STT3B: variants seen among roughly 807,000 people sequenced by gnomAD.
STT3B encodes the protein dolichyl-diphosphooligosaccharide--protein glycosyltransferase subunit STT3B.
A neutral mutation model predicts 96.8 loss-of-function variants in STT3B; 29 were observed. The ratio of observed to expected loss-of-function variants is 0.30; its 90% CI spans 0.22 to 0.41. The LOEUF is 0.41. Ranked by LOEUF, STT3B falls within the 10% of genes least tolerant of loss-of-function variation. STT3B has a pLI of 1.00. For synonymous variants in STT3B, 367 were observed against 360.0 expected, an observed-to-expected ratio of 1.02 and a Z score of -0.22; for missense variants, 640 against 1,022.3, an observed-to-expected ratio of 0.63 and a Z score of 5.10.
intron 1 of STT3B, among the ~76,000 whole-genome samples, chr3:31,539,905 C>T (rs1697220508): frequency 6.6e-6 from 1 of 152,098 alleles, no homozygotes; most frequent in Non-Finnish European, 1.5e-5. Context: ...GAGAGCTGAA[C>T]TTTCAGAGTA....
At chr3:31,538,699 A>G (rs1385097367) in intron 1 of STT3B, among the ~76,000 whole-genome samples, 2 of 152,180 alleles carry the variant, frequency 1.3e-5, no homozygotes, top group Non-Finnish European at 1.5e-5. Flanking sequence ...TCCAAATAGT[A>G]TAGGACCCAC....
At chr3:31,588,116 A>G (rs1698586347) in intron 3 of STT3B, among the ~76,000 whole-genome samples, 1 of 152,128 alleles carries the variant, frequency 6.6e-6, no homozygotes, top group South Asian at 2.1e-4. Context: ...CATCCCAAGC[A>G]CAAGTGGAAT....
At chr3:31,567,286 T>A (rs1449990034) in intron 1 of STT3B, among the ~76,000 whole-genome samples, 1 of 152,218 alleles carries the variant, frequency 6.6e-6, no homozygotes, top group Non-Finnish European at 1.5e-5. Flanking sequence ...CCTCCTTTAC[T>A]ACTAATATTT....
chr3:31,623,814 T>G lies in STT3B; in HGVS notation c.1680T>G (p.Asn560Lys). The G allele has an allele frequency of 6.2e-7, 1 of 1,613,990 alleles. No homozygotes were observed. Among genetic ancestry groups the G allele is most frequent in the Non-Finnish European group, 8.5e-7 (1 of 1,179,882 alleles). ...FAVHCTWVTS[N>K]AYSSPSVVLA... ...TCCACTGTACCTGGGTCACAAGCAA[T>G]GCCTACTCTAGTCCAAGTGTAGTCC... Residue 560 changes from asparagine (N) to lysine (K), a missense_variant, in exon 11 of 16, where the codon AAT (asparagine) becomes AAG (lysine). By Grantham distance (94) the Asn-to-Lys change is moderately conservative. This residue lies in a region of STT3B where 149 missense variants were observed against 250.2 expected (regional missense o/e 0.60). Transcript: ENST00000295770.
chr3:31,624,866 T>TG (rs1446783180), intron 11 of STT3B, 48 bp from the exon 12 acceptor site: 3 of 1,476,784 alleles, frequency 2.0e-6, no homozygotes, highest in African/African-American at 2.8e-5. Context: ...AGTTAGCCTC[T>TG]TCACATTTGT....
chr3:31,633,234 C>T, intron 15 of STT3B, 87 bp downstream of exon 15: 2 of 1,167,048 alleles, frequency 1.7e-6, no homozygotes, highest in East Asian at 5.0e-5. Context: ...AATAAATTTC[C>T]ATCTGCCAGA....
At chr3:31,625,230 G>C (rs1699510527) in intron 12 of STT3B, 145 bp downstream of exon 12, 1 of 619,168 alleles carries the variant, frequency 1.6e-6, no homozygotes, top group Admixed American at 3.3e-5. Context: ...GTTCAATAAA[G>C]TGAGTTCAAG....
intron 3 of STT3B, among the ~76,000 whole-genome samples, chr3:31,591,650 TCTCTC>T (rs1698665148): frequency 6.6e-6 from 1 of 152,128 alleles, no homozygotes; most frequent in African/African-American, 2.4e-5. Flanking sequence ...CCTTATTTTT[TCTCTC>T]CTCTCCTCTG....
chr3:31,614,812 A>G (rs1699268567), intron 5 of STT3B, among the ~76,000 whole-genome samples: 1 of 151,946 alleles, frequency 6.6e-6, no homozygotes, highest in Non-Finnish European at 1.5e-5. Flanking sequence ...ATGATTGCTA[A>G]TGGTAGATCA....
intron 5 of STT3B, among the ~76,000 whole-genome samples, chr3:31,607,495 C>T (rs1402721817): frequency 6.6e-6 from 1 of 152,074 alleles, no homozygotes; most frequent in Non-Finnish European, 1.5e-5. Context: ...TAAGGGGAAA[C>T]TCCTTTCGCT....
At chr3:31,622,333 T>C (rs747786174) in intron 10 of STT3B, 25 bp downstream of exon 10, 1 of 1,568,282 alleles carries the variant, frequency 6.4e-7, no homozygotes, top group Admixed American at 1.7e-5. Context: ...GTAAGGCCTT[T>C]AAATTGTCTA....
At chr3:31,616,540 A>G (rs549584200) in intron 6 of STT3B, among the ~76,000 whole-genome samples, 1 of 151,908 alleles carries the variant, frequency 6.6e-6, no homozygotes, top group South Asian at 2.1e-4. Context: ...AAGTCTTTGT[A>G]TCCTTCAGCA....
intron 4 of STT3B, among the ~76,000 whole-genome samples, chr3:31,599,719 G>T (rs943166237): frequency 6.6e-6 from 1 of 152,154 alleles, no homozygotes; most frequent in African/African-American, 2.4e-5. Context: ...TGAGAATGGA[G>T]ATTCTCTTTA....
intron 3 of STT3B, among the ~76,000 whole-genome samples, chr3:31,591,260 CT>C (rs1182247947): frequency 6.6e-6 from 1 of 151,988 alleles, no homozygotes; most frequent in African/African-American, 2.4e-5. Context: ...TTAAAATCTG[CT>C]TTGTTTGATT....
intron 14 of STT3B, among the ~76,000 whole-genome samples, chr3:31,630,536 C>T (rs1408514547): frequency 3.9e-5 from 6 of 152,160 alleles, no homozygotes; most frequent in East Asian, 1.9e-4. Flanking sequence ...GTGCGCCGAA[C>T]GTCTTAATAA....
chr3:31,546,777 T>C (rs1697423310), intron 1 of STT3B, among the ~76,000 whole-genome samples: 1 of 152,214 alleles, frequency 6.6e-6, no homozygotes, highest in African/African-American at 2.4e-5. Context: ...ATCCTAAGTC[T>C]GGGTTAAATT....
intron 3 of STT3B, among the ~76,000 whole-genome samples, chr3:31,584,483 T>C (rs1360897075): frequency 1.3e-5 from 2 of 152,206 alleles, no homozygotes; most frequent in East Asian, 1.9e-4. Context: ...TGATATTGTT[T>C]TGTTAATTCA....
At chr3:31,623,143 CTCTT>C (rs1699464818) in intron 10 of STT3B, among the ~76,000 whole-genome samples, 1 of 152,044 alleles carries the variant, frequency 6.6e-6, no homozygotes, top group South Asian at 2.1e-4. Flanking sequence ...TTTCTATTCT[CTCTT>C]CCCTTTTCTG....
chr3:31,617,186 C>CATT, intron 7 of STT3B, 111 bp downstream of exon 7: 1 of 494,862 alleles, frequency 2.0e-6, no homozygotes, highest in Non-Finnish European at 3.1e-6. Context: ...TGATTTTTTT[C>CATT]TTTTTTTTTT....
Sources: gnomAD v4.1 joint callset for allele counts (sites outside exome capture counted in the v4.1 genomes callset) on GRCh38, gnomAD v4.1.1 for gene constraint, gnomAD v4.1.1 regional missense constraint, MANE v1.5 for transcripts, NCBI Gene and HGNC (gene_info 2026-07-23, HGNC 2026-07-21) for gene names.